The following ZNF490 variants were observed in gnomAD, a reference collection of about 807,000 sequenced individuals.
ZNF490 encodes zinc finger protein 490.
In ZNF490, 11 loss-of-function variants were observed where a neutral mutation model predicts 17.7. The observed-to-expected ratio is 0.62, with a 90% confidence interval of 0.39 to 1.03. ZNF490 has a LOEUF of 1.03. ZNF490 is among the 50% of genes least tolerant of loss of function. The probability of loss-of-function intolerance (pLI) is 0.00; values close to 1 mark genes in which losing one functional copy is unlikely to be tolerated. For missense variants in ZNF490, 542 were observed against 643.4 expected (o/e 0.84, Z 1.71); for synonymous variants, 222 against 216.1 (o/e 1.03, Z -0.24).
chr19:12,596,158 A>G (rs1454716408), intron 2 of ZNF490, among the ~76,000 whole-genome samples: 1 of 148,452 alleles, frequency 6.7e-6, no homozygotes, highest in Non-Finnish European at 1.5e-5. Context: ...CCAGCTACTC[A>G]GGAGGCTGAG....
At chr19:12,598,672 C>G (rs1441080434) in intron 2 of ZNF490, among the ~76,000 whole-genome samples, 1 of 151,416 alleles carries the variant, frequency 6.6e-6, no homozygotes, top group Non-Finnish European at 1.5e-5. Flanking sequence ...CCACCATGCC[C>G]GTCAATAATT....
At chr19:12,599,323 G>C (rs1337968715) in intron 2 of ZNF490, among the ~76,000 whole-genome samples, 1 of 151,750 alleles carries the variant, frequency 6.6e-6, no homozygotes, top group Non-Finnish European at 1.5e-5. Flanking sequence ...TTAAAAAGAG[G>C]GATGTTTAGG....
At chr19:12,589,480 C>T (rs368461431) in intron 2 of ZNF490, among the ~76,000 whole-genome samples, 1 of 151,106 alleles carries the variant, frequency 6.6e-6, no homozygotes, top group Non-Finnish European at 1.5e-5. Flanking sequence ...GTTAATATGA[C>T]GAAAGGGGGA....
Position 12,577,480 on chromosome 19 carries a change from T to TA in ZNF490, c.*3004dup. 1.0e-6 allele frequency: 1 copy of TA among 985,280 alleles called. No homozygotes were observed. The allele number at this position is 985,280 out of a possible 1,614,324, so 61.0% of individuals were successfully genotyped here. A position where few individuals can be genotyped will look rare whatever the true frequency, so the allele number is the denominator to read the frequency against. On this transcript the variant is annotated 3_prime_UTR_variant, in exon 5 of 5. Coordinates refer to ENST00000311437, the MANE Select transcript of ZNF490 (RefSeq NM_020714.3). Reference sequence around the variant, plus strand: ...AAAGGACCTGAAATGGGTTGAGTAATAATGTTCCAACCCCTCATACTACCA... The same window carrying TA: ...AAAGGACCTGAAATGGGTTGAGTAATAAATGTTCCAACCCCTCATACTACCA...
Position 12,578,380 on chromosome 19 carries a change from G to A in ZNF490, c.*2105C>T, listed in dbSNP as rs1438438548. On this transcript the variant is annotated 3_prime_UTR_variant, in exon 5 of 5. Transcript: ENST00000311437. Reference sequence around the variant, plus strand: ...TGGTGCAGGGCTGGTAACCGCAGGAGAGTGGATGCTGTGTGGTCAAGGGGT... The same window carrying A: ...TGGTGCAGGGCTGGTAACCGCAGGAAAGTGGATGCTGTGTGGTCAAGGGGT... 8.1e-6 allele frequency: 8 copies of A among 985,656 alleles called. 1 individual carries two copies. Among genetic ancestry groups the A allele is most frequent in the East Asian group, 1.1e-4 (1 of 8,816 alleles). 61.1% of individuals were successfully genotyped at this position (985,656 alleles called of 1,614,324 possible). A position where few individuals can be genotyped will look rare whatever the true frequency, so the allele number is the denominator to read the frequency against.
rs1336598225 is a variant in ZNF490, at chr19:12,577,787, C to A, written c.*2698G>T. On this transcript the variant is annotated 3_prime_UTR_variant, in exon 5 of 5. Transcript: ENST00000311437. ...GCGACACAAAGATCACTTCTGGGAC[C>A]CACCCAGGGAGACTGTTGTTACGAG... 87 of 985,446 alleles carry A rather than the reference C, an allele frequency of 8.8e-5. No individual in the cohort carries two copies. The highest frequency in any genetic ancestry group is 1.0e-4 in the Non-Finnish European group (87 of 829,974). 61.0% of individuals were successfully genotyped at this position (985,446 alleles called of 1,614,324 possible).
rs748288469 is a variant in ZNF490, at chr19:12,577,264, C to T, written c.*3221G>A. 1.3e-5 allele frequency among the ~76,000 whole-genome samples: 2 copies of T among 152,172 alleles called. No individual in the cohort carries two copies. The highest frequency in any genetic ancestry group is 6.5e-5 in the Admixed American group (1 of 15,272). ...AAACATCATCATAGACCCACATATA[C>T]TTGTCCTTCAAAAAGTGAATGTTCT... On this transcript the variant is annotated 3_prime_UTR_variant, in exon 5 of 5. Coordinates refer to ENST00000311437, the MANE Select transcript of ZNF490 (RefSeq NM_020714.3).
intron 2 of ZNF490, among the ~76,000 whole-genome samples, chr19:12,604,938 G>A (rs1390885575): frequency 6.6e-6 from 1 of 152,078 alleles, no homozygotes; most frequent in African/African-American, 2.4e-5. Context: ...TGGATCACTT[G>A]AGGTCAGGAG....
In ZNF490 at chr19:12,610,658, C is replaced by CT. The variant is rs748126675; in HGVS notation, c.22dup (p.Ser8LysfsTer19). ...CTCGAGGGGTCGCTCCATCTGGAAACTGAGACTGGAATTCCTGCGCATCCC... is the reference window on the plus strand; with the variant it reads ...CTCGAGGGGTCGCTCCATCTGGAAACTTGAGACTGGAATTCCTGCGCATCCC... On this transcript the variant is annotated frameshift_variant, in exon 1 of 5. Coordinates refer to ENST00000311437, the MANE Select transcript of ZNF490 (RefSeq NM_020714.3). LOFTEE classifies it high-confidence loss of function. The CT allele has an allele frequency of 1.9e-6, 3 of 1,613,932 alleles. No homozygotes were observed. The highest frequency in any genetic ancestry group is 2.5e-6 in the Non-Finnish European group (3 of 1,180,014).
rs1197487388 is a variant in ZNF490 at position 12,580,798 on chromosome 19, G to C, written c.1277C>G (p.Ala426Gly). The change falls in exon 5 of 5, where the codon GCC becomes GGC. Residue 426 changes from alanine (A) to glycine (G), a missense_variant. Transcript: ENST00000311437. Reference sequence around the variant, plus strand: ...TCGAAAGTGAGTGGAATAAAGAAAGGCTTTACCACATTCTTTACATTCGTA... The same window carrying C: ...TCGAAAGTGAGTGGAATAAAGAAAGCCTTTACCACATTCTTTACATTCGTA... ...KTYECKECGK[A>G]FLYSTHFRIH... 6.2e-7 allele frequency: 1 copy of C among 1,614,116 alleles called. No homozygotes were observed. The highest frequency in any genetic ancestry group is 8.5e-7 in the Non-Finnish European group (1 of 1,180,030).
At chr19:12,594,526 C>T (rs181626615) in intron 2 of ZNF490, among the ~76,000 whole-genome samples, 5 of 151,798 alleles carry the variant, frequency 3.3e-5, no homozygotes, top group South Asian at 4.2e-4. Context: ...GAGGCACTAA[C>T]AGGAGTGCCT....
chr19:12,592,790 T>C (rs1015029608), intron 2 of ZNF490, among the ~76,000 whole-genome samples: 1 of 152,222 alleles, frequency 6.6e-6, no homozygotes, highest in African/African-American at 2.4e-5. Context: ...GGATAAACTA[T>C]GTGGAGGCAG....
rs2023074858 is a variant in ZNF490, at chr19:12,606,932, T to C, written c.162+2226A>G. On this transcript the variant is annotated intron_variant, in intron 2 of 4. Coordinates refer to ENST00000311437, the MANE Select transcript of ZNF490 (RefSeq NM_020714.3). ...CACTGTGGTGACTAATGTGATTTCA[T>C]AATCATTAGTATTTCATTTGATTAG... 2.0e-5 allele frequency among the ~76,000 whole-genome samples: 3 copies of C among 152,220 alleles called. No homozygotes were observed. In the South Asian group the frequency reaches 6.2e-4, roughly 31 times the overall value.
At position 12,586,442 on chromosome 19, in the gene ZNF490, C is replaced by T. The variant is rs919281375; in HGVS notation, c.163-2886G>A. On this transcript the variant is annotated intron_variant, in intron 2 of 4. Transcript: ENST00000311437. ...CACAGAAAACCAGGGACACCAAAGG[C>T]AATTTTATCTGACACCTACAGTTAC... 3.2e-5 allele frequency among the ~76,000 whole-genome samples: 3 copies of T among 94,228 alleles called. 1 individual carries two copies. The highest frequency in any genetic ancestry group is 9.9e-5 in the Admixed American group (1 of 10,076). 61.8% of individuals were successfully genotyped at this position (94,228 alleles called of 152,430 possible). A position where few individuals can be genotyped will look rare whatever the true frequency, so the allele number is the denominator to read the frequency against.
chr19:12,597,746 A>T (rs2022952517), intron 2 of ZNF490, among the ~76,000 whole-genome samples: 1 of 152,080 alleles, frequency 6.6e-6, no homozygotes, highest in Admixed American at 6.6e-5. Context: ...TAATGTCCTC[A>T]ATCTTCCTGA....
rs775090605 is a variant in ZNF490, at chr19:12,580,503, A to G, written c.1572T>C (p.His524=). The change falls in exon 5 of 5, where the codon CAT becomes CAC. Residue 524 remains histidine (H), a synonymous_variant. Transcript: ENST00000311437. ...SKSLHVHERT[H]SRQKP The stretch of plus-strand genomic sequence containing the variant: ...TACTTTCTTAGGGCTTCTGTCTACT[A>G]TGAGTCCTTTCGTGCACGTGCAAAG... The G allele has an allele frequency of 1.9e-6, 3 of 1,602,350 alleles. No homozygotes were observed. The highest frequency in any genetic ancestry group is 1.7e-6 in the Non-Finnish European group (2 of 1,174,204).
At chr19:12,589,568 C>CTTT (rs66811210) in intron 2 of ZNF490, among the ~76,000 whole-genome samples, 6 of 125,740 alleles carry the variant, frequency 4.8e-5, no homozygotes, top group South Asian at 2.5e-4. Context: ...TCTTCTTCTT[C>CTTT]TTTTTTTTTT....
At chr19:12,608,388 G>A (rs552666756) in intron 2 of ZNF490, among the ~76,000 whole-genome samples, 4 of 152,172 alleles carry the variant, frequency 2.6e-5, no homozygotes, top group East Asian at 3.9e-4. Flanking sequence ...CCATCCTCCC[G>A]TCTCAGCCTC....
At chr19:12,598,386 T>G (rs1487556420) in intron 2 of ZNF490, among the ~76,000 whole-genome samples, 2 of 151,734 alleles carry the variant, frequency 1.3e-5, no homozygotes, top group Non-Finnish European at 2.9e-5. Flanking sequence ...CTCCCCTTTT[T>G]TTTTGGAGGC....
Sources: allele counts gnomAD v4.1 joint callset (sites outside exome capture counted in the v4.1 genomes callset), GRCh38; gene constraint gnomAD v4.1.1; transcripts MANE v1.5; gene names NCBI Gene and HGNC (gene_info 2026-07-23, HGNC 2026-07-21).